PLXND1: variants seen among roughly 807,000 people sequenced by gnomAD.
The protein encoded by PLXND1 is plexin D1, also known as plexin-D1.
Under a neutral mutation model 197.7 loss-of-function variants are expected in PLXND1, and 54 were observed. That is an observed-to-expected ratio of 0.27 (90% confidence interval 0.22 to 0.34). The LOEUF is 0.34. Ranked by LOEUF, PLXND1 falls within the 10% of genes least tolerant of loss-of-function variation. The pLI, the probability that PLXND1 is intolerant of heterozygous loss-of-function variation, is 1.00. For missense variants in PLXND1, 2,127 were observed against 2,699.2 expected (o/e 0.79, Z 4.70); for synonymous variants, 1,180 against 1,161.2 (o/e 1.02, Z -0.33).
At chr3:129,564,918 C>A (rs1013110710) in intron 25 of PLXND1, among the ~76,000 whole-genome samples, 1 of 152,244 alleles carries the variant, frequency 6.6e-6, no homozygotes, top group Non-Finnish European at 1.5e-5. Flanking sequence ...CAGAGGGAGG[C>A]CTCGTGAGCT....
intron 8 of PLXND1, among the ~76,000 whole-genome samples, chr3:129,580,557 TGA>T (rs2085372933): frequency 2.0e-5 from 3 of 152,046 alleles, no homozygotes; most frequent in Admixed American, 6.6e-5. Flanking sequence ...GGCTGAGGTG[TGA>T]GAGTCAGGGC....
intron 27 of PLXND1, 76 bp from the exon 28 acceptor site, chr3:129,561,979 T>C: frequency 4.3e-6 from 4 of 923,526 alleles, no homozygotes; most frequent in Non-Finnish European, 7.2e-6. Flanking sequence ...CCCAGCCACA[T>C]AGGGAGAGGC....
In PLXND1 at chr3:129,586,741, G is replaced by A. The variant is rs761173442; in HGVS notation, c.1489-22C>T. Reference sequence around the variant, plus strand: ...TGATCTGTGGGGGTAGTGGGCATCAGGGTGCTGGAGCCCATAGCAGGGGAG... The same window carrying A: ...TGATCTGTGGGGGTAGTGGGCATCAAGGTGCTGGAGCCCATAGCAGGGGAG... On this transcript the variant is annotated intron_variant, in intron 2 of 35. Coordinates refer to ENST00000324093, the MANE Select transcript of PLXND1 (RefSeq NM_015103.3). The A allele has an allele frequency of 2.5e-6, 4 of 1,595,964 alleles. No homozygotes were observed. In the South Asian group the frequency reaches 4.6e-5, roughly 18 times the overall value.
At position 129,556,418 on chromosome 3, in the gene PLXND1, G is replaced by A. The variant is rs140866535; in HGVS notation, c.5672C>T (p.Ala1891Val). 8.7e-6 allele frequency: 14 copies of A among 1,613,624 alleles called. No homozygotes were observed. The highest frequency in any genetic ancestry group is 4.5e-5 in the East Asian group (2 of 44,884). The part of the protein sequence containing the change: ...AKRYRPQIMA[A>V]LEANPTARRT... ...CCGGGCCGTGGGGTTGGCCTCCAGC[G>A]CGGCCATGATCTGAGGGGAGCAGCG... The change falls in exon 36 of 36, where the codon GCG becomes GTG. Residue 1891 changes from alanine (A) to valine (V), a missense_variant. Transcript: ENST00000324093.
At chr3:129,599,499 G>A (rs558462326) in intron 1 of PLXND1, among the ~76,000 whole-genome samples, 2 of 152,314 alleles carry the variant, frequency 1.3e-5, no homozygotes, top group Admixed American at 1.3e-4. Context: ...CCAGGGCGCT[G>A]ACAGATCCCC....
At chr3:129,572,018 A>C (rs535114146) in intron 15 of PLXND1, among the ~76,000 whole-genome samples, 174 bp from the exon 16 acceptor site, 3 of 151,960 alleles carry the variant, frequency 2.0e-5, no homozygotes, top group Non-Finnish European at 4.4e-5. Flanking sequence ...TTACACTTCC[A>C]AATTCCGCCC....
At chr3:129,565,745 A>G (rs889448873) in intron 24 of PLXND1, 142 bp downstream of exon 24, 41 of 978,682 alleles carry the variant, frequency 4.2e-5, no homozygotes, top group Non-Finnish European at 6.0e-5. Flanking sequence ...CCCGTGAGCC[A>G]AGGTCTTGGG....
At position 129,556,153 on chromosome 3, in the gene PLXND1, G is replaced by A. The variant is rs2084969815; in HGVS notation, c.*159C>T. The A allele has an allele frequency of 7.9e-6, 5 of 636,344 alleles. No homozygotes were observed. Among genetic ancestry groups the A allele is most frequent in the South Asian group, 5.3e-5 (3 of 56,252 alleles). 39.4% of individuals were successfully genotyped at this position (636,344 alleles called of 1,614,324 possible). ...GGTGCCCAGGGGTCAAGGCGGGGGC[G>A]CCCCTGTCTCAGAGAGCAGCCCCTC... On this transcript the variant is annotated 3_prime_UTR_variant, in exon 36 of 36. Transcript: ENST00000324093.
At chr3:129,598,875 C>T (rs1028975335) in intron 1 of PLXND1, among the ~76,000 whole-genome samples, 4 of 152,188 alleles carry the variant, frequency 2.6e-5, no homozygotes, top group Non-Finnish European at 5.9e-5. Flanking sequence ...TCTGTTTCCC[C>T]TTCCATAGAC....
In PLXND1 at chr3:129,605,290, GCCGCCGCCGCCGCCGCCGCCGCCA is replaced by G; in HGVS notation, c.1311+15_1311+38del. 1 of 683,016 alleles carries G rather than the reference GCCGCCGCCGCCGCCGCCGCCGCCA, an allele frequency of 1.5e-6. No individual in the cohort carries two copies. Among genetic ancestry groups the G allele is most frequent in the Non-Finnish European group, 1.9e-6 (1 of 513,440 alleles). The allele number at this position is 683,016 out of a possible 1,614,324, so 42.3% of individuals were successfully genotyped here. A position where few individuals can be genotyped will look rare whatever the true frequency, so the allele number is the denominator to read the frequency against. ...GCCCGCCCCCGCCCCCGCCCCCGCC[GCCGCCGCCGCCGCCGCCGCCGCCA>G]CCGCCCGGGTGTACCTGGATGTTGA... is the stretch of plus-strand genomic sequence containing the variant. On this transcript the variant is annotated intron_variant, in intron 1 of 35. Coordinates refer to ENST00000324093, the MANE Select transcript of PLXND1 (RefSeq NM_015103.3).
At chr3:129,586,973 T>C (rs984560303) in intron 2 of PLXND1, among the ~76,000 whole-genome samples, 2 of 152,144 alleles carry the variant, frequency 1.3e-5, no homozygotes, top group Non-Finnish European at 2.9e-5. Flanking sequence ...GTGTGCAGGC[T>C]TTGTAGTTTA....
intron 1 of PLXND1, among the ~76,000 whole-genome samples, chr3:129,604,328 G>A: frequency 6.6e-6 from 1 of 152,200 alleles, no homozygotes; most frequent in East Asian, 1.9e-4. Context: ...TGAGATCCAA[G>A]TCCAGAAGGC....
chr3:129,595,911 G>A (rs2085613107), intron 1 of PLXND1, among the ~76,000 whole-genome samples: 1 of 78,114 alleles, frequency 1.3e-5, no homozygotes, highest in Non-Finnish European at 2.6e-5. Context: ...AGCCCTGGGG[G>A]TGCACGCACG....
rs750649180 is a variant in PLXND1 at position 129,566,604 on chromosome 3, C to G, written c.4114G>C (p.Val1372Leu). Residue 1372 changes from valine to leucine, a missense_variant, in exon 23 of 36, where the codon GTG becomes CTG. Val to Leu is a conservative substitution (Grantham distance 32). This residue lies in a region of PLXND1 where 532 missense variants were observed against 811.0 expected (regional missense o/e 0.66). Coordinates refer to ENST00000324093, the MANE Select transcript of PLXND1 (RefSeq NM_015103.3). ...KCSSLYEERY[V>L]LPSQTLNSQG... ...GAGTTGAGGGTCTGGGAGGGCAGCACGTAACGCTCTTCATAAAGGGAGGAA... is the reference window on the plus strand; with the variant it reads ...GAGTTGAGGGTCTGGGAGGGCAGCAGGTAACGCTCTTCATAAAGGGAGGAA... 1.9e-6 allele frequency: 3 copies of G among 1,610,338 alleles called. No homozygotes were observed. Among genetic ancestry groups the G allele is most frequent in the African/African-American group, 1.3e-5 (1 of 74,976 alleles).
chr3:129,559,576 C>A lies in PLXND1; in HGVS notation c.5297+44G>T. 2.0e-6 allele frequency: 3 copies of A among 1,505,262 alleles called. 1 individual carries two copies. The highest frequency in any genetic ancestry group is 2.7e-5 in the South Asian group (2 of 75,068). The allele number at this position is 1,505,262 out of a possible 1,614,324, so 93.2% of individuals were successfully genotyped here. ...GACTCTGAACCCCCTGCCACAGGGG[C>A]CCCAGTGGCACAGTGAAGTCCACAC... On this transcript the variant is annotated intron_variant, in intron 32 of 35. Transcript: ENST00000324093.
At chr3:129,595,138 T>G (rs1278130849) in intron 1 of PLXND1, among the ~76,000 whole-genome samples, 1 of 152,158 alleles carries the variant, frequency 6.6e-6, no homozygotes, top group African/African-American at 2.4e-5. Context: ...GCCTGTGGAC[T>G]GTGTCCAGTC....
Position 129,558,723 on chromosome 3 carries a change from G to T in PLXND1, c.5298-148C>A. ...ATGTGACCTTTGGGAACCTTAGTTT[G>T]CCTATCCCTGGCCAGCTGGGGTGCA... On this transcript the variant is annotated intron_variant, in intron 32 of 35. Transcript: ENST00000324093. The surrounding 1 kb of genome is among the most constrained non-coding windows in gnomAD (Gnocchi z 4.1). 2 of 755,112 alleles carry T rather than the reference G, an allele frequency of 2.6e-6. No individual in the cohort carries two copies. The highest frequency in any genetic ancestry group is 4.2e-6 in the Non-Finnish European group (2 of 473,272). 46.8% of individuals were successfully genotyped at this position (755,112 alleles called of 1,614,324 possible).
Position 129,557,343 on chromosome 3 carries a change from C to T in PLXND1, c.5446-120G>A. The T allele has an allele frequency of 9.2e-7, 1 of 1,088,310 alleles. No homozygotes were observed. Among genetic ancestry groups the T allele is most frequent in the South Asian group, 1.5e-5 (1 of 66,892 alleles). 67.4% of individuals were successfully genotyped at this position (1,088,310 alleles called of 1,614,324 possible). On this transcript the variant is annotated intron_variant, in intron 33 of 35. Coordinates refer to ENST00000324093, the MANE Select transcript of PLXND1 (RefSeq NM_015103.3). This position sits in a 1 kb window ranked among gnomAD's most constrained non-coding sequence, Gnocchi z 4.8. ...GTGACCTTAGCAGGCCCCCGAGGCC[C>T]AAAGAGTCTCACCCGGTCACTGAAC...
At chr3:129,572,978 G>A (rs1416520110) in intron 13 of PLXND1, 37 bp from the exon 14 acceptor site, 1 of 1,465,116 alleles carries the variant, frequency 6.8e-7, no homozygotes, top group Admixed American at 1.7e-5. Flanking sequence ...GCGGTCCTTG[G>A]CCCCCACGGC....
Sources: gnomAD v4.1 joint callset for allele counts (sites outside exome capture counted in the v4.1 genomes callset) on GRCh38, gnomAD v4.1.1 for gene constraint, gnomAD v4.1.1 regional missense constraint, Gnocchi (gnomAD v3.1) non-coding constraint, MANE v1.5 for transcripts, NCBI Gene and HGNC (gene_info 2026-07-23, HGNC 2026-07-21) for gene names.